PSEN1: variants seen among roughly 807,000 people sequenced by gnomAD.
PSEN1 encodes the protein presenilin 1.
A neutral mutation model predicts 53.5 loss-of-function variants in PSEN1; 15 were observed. The ratio of observed to expected loss-of-function variants is 0.28; its 90% CI spans 0.19 to 0.43. The LOEUF (loss-of-function observed/expected upper bound fraction) is 0.43, where lower values mean the gene tolerates loss of function less well. PSEN1 is among the 20% of genes least tolerant of loss of function. PSEN1 has a pLI of 1.00. For synonymous variants in PSEN1, 208 were observed against 209.8 expected (o/e 0.99, Z 0.08); for missense variants, 387 against 571.2 (o/e 0.68, Z 3.29).
intron 1 of PSEN1, among the ~76,000 whole-genome samples, chr14:73,147,093 C>T (rs1005930551): frequency 2.4e-4 from 36 of 148,136 alleles, no homozygotes; most frequent in African/African-American, 8.7e-4. Context: ...TCAAGCTTTT[C>T]TCCTGCCTCA....
chr14:73,206,620 ATAAG>A (rs1342005813), intron 9 of PSEN1, 148 bp downstream of exon 9: 11 of 677,422 alleles, frequency 1.6e-5, no homozygotes, highest in Non-Finnish European at 1.6e-5. Flanking sequence ...AAATACACAG[ATAAG>A]TATTTAAGGA....
intron 1 of PSEN1, among the ~76,000 whole-genome samples, chr14:73,138,460 C>T (rs911368997): frequency 8.0e-5 from 12 of 150,594 alleles, no homozygotes; most frequent in Admixed American, 2.6e-4. Context: ...ACCTCGTGAT[C>T]CGCCCGCCTC....
chr14:73,157,939 T>C (rs1897410356), intron 3 of PSEN1, among the ~76,000 whole-genome samples: 1 of 152,054 alleles, frequency 6.6e-6, no homozygotes. Context: ...TGAGCTGAGA[T>C]TGTGCCACTG....
intron 1 of PSEN1, among the ~76,000 whole-genome samples, chr14:73,140,293 G>A (rs940013775): frequency 9.2e-5 from 12 of 130,474 alleles, no homozygotes; most frequent in Admixed American, 3.8e-4. Context: ...TCACTGCAAC[G>A]TCCGCCTCCC....
chr14:73,155,804 T>C (rs1897337644), intron 3 of PSEN1, among the ~76,000 whole-genome samples: 1 of 152,160 alleles, frequency 6.6e-6, no homozygotes, highest in South Asian at 2.1e-4. Context: ...TTTAGGGCAG[T>C]GAATCTATTC....
rs955420669 is a variant in PSEN1, at chr14:73,186,170, G to A, written c.481-683G>A. Among the ~76,000 whole-genome samples, 6 of 151,966 alleles carry A rather than the reference G, an allele frequency of 3.9e-5. 1 individual carries two copies. The South Asian group carries it at 8.3e-4, about 21-fold the overall frequency. On this transcript the variant is annotated intron_variant, in intron 5 of 11. Coordinates refer to ENST00000324501, the MANE Select transcript of PSEN1 (RefSeq NM_000021.4). ...CAAGGCAGGTGGATCACCTCAGGTC[G>A]GGAGTTCGAGACCAGCCTGACCAAC...
intron 8 of PSEN1, 151 bp from the exon 9 acceptor site, chr14:73,206,235 A>G: frequency 1.5e-6 from 1 of 687,124 alleles, no homozygotes; most frequent in Non-Finnish European, 2.7e-6. Context: ...AACCAAAGAG[A>G]ACCTTTTTTT....
intron 11 of PSEN1, among the ~76,000 whole-genome samples, chr14:73,218,636 T>C (rs1900021312): frequency 6.6e-6 from 1 of 151,894 alleles, no homozygotes; most frequent in African/African-American, 2.4e-5. Context: ...GCGGGAAGAA[T>C]GCTCCCACAC....
intron 3 of PSEN1, among the ~76,000 whole-genome samples, chr14:73,158,048 A>G (rs1897414378): frequency 6.6e-6 from 1 of 151,924 alleles, no homozygotes; most frequent in East Asian, 1.9e-4. Context: ...TTATTTTGAA[A>G]TTCGTCCATG....
At chr14:73,142,789 A>G (rs1038262456) in intron 1 of PSEN1, among the ~76,000 whole-genome samples, 4 of 152,208 alleles carry the variant, frequency 2.6e-5, no homozygotes, top group African/African-American at 4.8e-5. Flanking sequence ...CTCTTTGTAT[A>G]TAATAGATAA....
intron 10 of PSEN1, 35 bp from the exon 11 acceptor site, chr14:73,217,091 C>T (rs747224464): frequency 1.2e-6 from 2 of 1,612,278 alleles, no homozygotes; most frequent in East Asian, 4.5e-5. Flanking sequence ...CAAAGAGTGA[C>T]CAACTTTTTA....
intron 3 of PSEN1, among the ~76,000 whole-genome samples, chr14:73,154,684 A>G (rs191222414): frequency 6.6e-6 from 1 of 152,206 alleles, no homozygotes; most frequent in Non-Finnish European, 1.5e-5. Flanking sequence ...TATATGACAG[A>G]TATATCCCAA....
intron 9 of PSEN1, 59 bp from the exon 10 acceptor site, chr14:73,211,710 T>C: frequency 6.3e-7 from 1 of 1,576,412 alleles, no homozygotes; most frequent in Non-Finnish European, 8.7e-7. Context: ...CATGTAATTT[T>C]CTTAAAGGTA....
At chr14:73,204,973 C>T (rs1350477878) in intron 8 of PSEN1, among the ~76,000 whole-genome samples, 1 of 152,156 alleles carries the variant, frequency 6.6e-6, no homozygotes, top group African/African-American at 2.4e-5. Context: ...AGTGTATTGC[C>T]TGCCTGGTTT....
intron 5 of PSEN1, among the ~76,000 whole-genome samples, chr14:73,179,145 G>C (rs936266467): frequency 6.6e-6 from 1 of 152,180 alleles, no homozygotes; most frequent in Non-Finnish European, 1.5e-5. Context: ...CCTAAAGTCA[G>C]GGCCAAAATG....
rs183454938 is a variant in PSEN1, at chr14:73,151,165, A to C, written c.87+3059A>C. Among the ~76,000 whole-genome samples the C allele has an allele frequency of 1.9e-3, 283 of 152,344 alleles. 1 individual carries two copies. Among genetic ancestry groups the C allele is most frequent in the Non-Finnish European group, 3.3e-3 (223 of 68,040 alleles). On this transcript the variant is annotated intron_variant, in intron 3 of 11. Coordinates refer to ENST00000324501, the MANE Select transcript of PSEN1 (RefSeq NM_000021.4). ...TATATGTTGCAAAAGAGACATTCCT[A>C]TGTAGAATTTTGGGCATTCATGTAT...
intron 10 of PSEN1, among the ~76,000 whole-genome samples, chr14:73,216,212 A>T (rs1899907009): frequency 1.3e-5 from 2 of 152,220 alleles, no homozygotes; most frequent in Admixed American, 1.3e-4. Flanking sequence ...AGTCATATGA[A>T]ATGTCTAGAA....
Position 73,219,496 on chromosome 14 carries a change from C to T in PSEN1, c.*207C>T. ...ATAGAAAACGATTTTGAACATACTT[C>T]ATCGCAGTGGACTGTGTCCCTCGGT... On this transcript the variant is annotated 3_prime_UTR_variant, in exon 12 of 12. Coordinates refer to ENST00000324501, the MANE Select transcript of PSEN1 (RefSeq NM_000021.4). 2 of 597,818 alleles carry T rather than the reference C, an allele frequency of 3.3e-6. No individual in the cohort carries two copies. Among genetic ancestry groups the T allele is most frequent in the South Asian group, 1.9e-5 (1 of 53,324 alleles). 37.0% of individuals were successfully genotyped at this position (597,818 alleles called of 1,614,324 possible).
At chr14:73,210,822 G>C (rs1490332475) in intron 9 of PSEN1, among the ~76,000 whole-genome samples, 1 of 152,136 alleles carries the variant, frequency 6.6e-6, no homozygotes, top group East Asian at 1.9e-4. Context: ...CTCTGAACAT[G>C]TATTACTTTT....
Sources: allele counts gnomAD v4.1 joint callset (sites outside exome capture counted in the v4.1 genomes callset), GRCh38; gene constraint gnomAD v4.1.1; transcripts MANE v1.5; gene names NCBI Gene and HGNC (gene_info 2026-07-23, HGNC 2026-07-21).